Variants in AXIN1 observed in about 807,000 individuals in gnomAD.
AXIN1 encodes the protein axin 1, also known as axin-1.
Under a neutral mutation model 76.4 loss-of-function variants are expected in AXIN1, and 30 were observed. That is an observed-to-expected ratio of 0.39 (90% CI 0.29 to 0.53). The LOEUF (loss-of-function observed/expected upper bound fraction) is 0.53. Ranked by LOEUF, AXIN1 falls within the 20% of genes least tolerant of loss-of-function variation. AXIN1 has a pLI of 0.66. For missense variants in AXIN1, 1,140 were observed against 1,198.8 expected (o/e 0.95, Z 0.72); for synonymous variants, 545 against 501.4 (o/e 1.09, Z -1.16).
intron 2 of AXIN1, among the ~76,000 whole-genome samples, chr16:337,798 G>A (rs1248712318): frequency 3.3e-5 from 5 of 152,244 alleles, no homozygotes; most frequent in South Asian, 2.1e-4. Flanking sequence ...TGGAGGAGAA[G>A]GGGCATGGAA....
At chr16:321,153 G>C (rs906287135) in intron 2 of AXIN1, among the ~76,000 whole-genome samples, 1 of 152,178 alleles carries the variant, frequency 6.6e-6, no homozygotes, top group African/African-American at 2.4e-5. Context: ...CACTGCTACA[G>C]GCCCTCCTGC....
chr16:299,050 A>G, intron 5 of AXIN1: 1 of 984,560 alleles, frequency 1.0e-6, no homozygotes, highest in Non-Finnish European at 1.2e-6. Flanking sequence ...GACAGGCATG[A>G]GCCGCCGCGC....
At chr16:292,548 T>A (rs996230633) in intron 8 of AXIN1, 1 of 152,182 alleles carries the variant, frequency 6.6e-6, no homozygotes. Flanking sequence ...GAGGCGGGCC[T>A]GGACCCCAGG....
At position 292,882 on chromosome 16, in the gene AXIN1, G is replaced by A. The variant is rs114718489; in HGVS notation, c.2186+606C>T. 1,227 of 151,220 alleles carry A rather than the reference G, an allele frequency of 8.1e-3. 12 individuals carry two copies. Among genetic ancestry groups the A allele is most frequent in the African/African-American group, 0.027 (1,096 of 39,898 alleles). 9.4% of individuals were successfully genotyped at this position (151,220 alleles called of 1,614,324 possible). On this transcript the variant is annotated intron_variant, in intron 8 of 10. Transcript: ENST00000262320. The stretch of plus-strand genomic sequence containing the variant: ...CGGAGCCCAGAAGACCAAGGAGGGC[G>A]CAGTGAGGAGGGCTGTGGGCTGGAC...
chr16:321,604 G>T (rs889096483), intron 2 of AXIN1, among the ~76,000 whole-genome samples: 4 of 152,136 alleles, frequency 2.6e-5, no homozygotes, highest in African/African-American at 9.7e-5. Flanking sequence ...TCCAACCCAC[G>T]AAGGGTTAAA....
chr16:297,685 C>G (rs770736763), intron 6 of AXIN1, 37 bp downstream of exon 6: 22 of 1,566,248 alleles, frequency 1.4e-5, no homozygotes, highest in Non-Finnish European at 1.5e-5. Context: ...CACAGCCTCA[C>G]CCCAAGCCCC....
intron 1 of AXIN1, among the ~76,000 whole-genome samples, chr16:347,667 C>A (rs138446434): frequency 1.3e-5 from 2 of 152,358 alleles, no homozygotes; most frequent in Non-Finnish European, 1.5e-5. Context: ...TGCTGCATCA[C>A]GTCACGCGTG....
rs1220396262 is a variant in AXIN1 at position 352,627 on chromosome 16, T to C, written c.-340A>G. 3.1e-4 allele frequency: 50 copies of C among 159,836 alleles called. No homozygotes were observed. Among genetic ancestry groups the C allele is most frequent in the Non-Finnish European group, 1.3e-4 (10 of 75,562 alleles). The allele number at this position is 159,836 out of a possible 1,614,324, so 9.9% of individuals were successfully genotyped here. A position where few individuals can be genotyped will look rare whatever the true frequency, so the allele number is the denominator to read the frequency against. On this transcript the variant is annotated 5_prime_UTR_variant, in exon 1 of 11. Transcript: ENST00000262320. The stretch of plus-strand genomic sequence containing the variant: ...GCTCCGGGCCGACTCCGGCCGGCTC[T>C]GGCGGCGGCAGCGGCCACGATCGCC...
intron 5 of AXIN1, among the ~76,000 whole-genome samples, chr16:301,303 A>C (rs1214634936): frequency 4.0e-5 from 6 of 151,838 alleles, no homozygotes; most frequent in Non-Finnish European, 5.9e-5. Context: ...AAAAAAAAAA[A>C]AAAAACTGGA....
At chr16:289,310 C>G in intron 10 of AXIN1, 130 bp downstream of exon 10, 1 of 1,228,420 alleles carries the variant, frequency 8.1e-7, no homozygotes, top group South Asian at 1.3e-5. Context: ...AGGCAATCCG[C>G]CCACCTCAGC....
intron 2 of AXIN1, among the ~76,000 whole-genome samples, chr16:325,013 C>A (rs1001607769): frequency 1.3e-5 from 2 of 152,204 alleles, no homozygotes; most frequent in Non-Finnish European, 2.9e-5. Context: ...CGGACCCGCA[C>A]AGAACCACAG....
At chr16:299,838 G>T (rs755206680) in intron 5 of AXIN1, among the ~76,000 whole-genome samples, 48 of 149,726 alleles carry the variant, frequency 3.2e-4, no homozygotes, top group Non-Finnish European at 5.3e-4. Flanking sequence ...TATATTTTTA[G>T]TAGAGATGGA....
In AXIN1 at chr16:291,279, C is replaced by T. The variant is rs2141476624; in HGVS notation, c.2205G>A (p.Met735Ile). 6.3e-7 allele frequency: 1 copy of T among 1,581,232 alleles called. No individual in the cohort carries two copies. ...GCCTGACGCAGGCGCGTCCCCGCCG[C>T]ATAACCTCCTGCACATACCTAGGGA... ...PSKQRYVQEVMRRGRACVRPA... is the reference protein window; with the variant it reads ...PSKQRYVQEVIRRGRACVRPA... The change falls in exon 9 of 11, where the codon ATG (methionine) becomes ATA (isoleucine). Residue 735 changes from methionine (M) to isoleucine (I), a missense_variant. Physicochemically the swap from Met to Ile is conservative, Grantham distance 10 (BLOSUM62 1). Around this residue, in one of 3 missense-constraint regions of AXIN1, gnomAD observed 429 missense variants for 405.8 expected, o/e 1.06. Transcript: ENST00000262320.
chr16:315,055 G>C (rs2053269947), intron 2 of AXIN1, among the ~76,000 whole-genome samples: 1 of 152,220 alleles, frequency 6.6e-6, no homozygotes, highest in African/African-American at 2.4e-5. Context: ...ACTGGGTTTT[G>C]ATCAGGATGA....
chr16:330,313 C>G (rs565103750), intron 2 of AXIN1, among the ~76,000 whole-genome samples: 1 of 152,274 alleles, frequency 6.6e-6, no homozygotes, highest in Non-Finnish European at 1.5e-5. Context: ...ATCCACCCAC[C>G]TTGGCCTCCC....
chr16:319,865 T>C (rs1251270369), intron 2 of AXIN1, among the ~76,000 whole-genome samples: 2 of 152,366 alleles, frequency 1.3e-5, no homozygotes, highest in African/African-American at 4.8e-5. Flanking sequence ...TTTAGTGTGA[T>C]GTGGAGGGAG....
At chr16:317,318 A>G (rs1463009438) in intron 2 of AXIN1, among the ~76,000 whole-genome samples, 1 of 152,184 alleles carries the variant, frequency 6.6e-6, no homozygotes, top group Non-Finnish European at 1.5e-5. Flanking sequence ...TGTGGCCTCC[A>G]TGCCCTCTGG....
chr16:346,114 A>G (rs1470162278), intron 2 of AXIN1, 34 bp downstream of exon 2: 1 of 1,602,828 alleles, frequency 6.2e-7, no homozygotes, highest in Non-Finnish European at 8.5e-7. Flanking sequence ...CTCGGAGGTG[A>G]GTACAGAAAG....
In AXIN1 at chr16:304,432, G is replaced by A. The variant is rs761954300; in HGVS notation, c.1126C>T (p.Arg376Trp). ...VPLPHIPRTY[R>W]VPKEVRVEPQ... ...TCCACGCGGACCTCCTTCGGCACCC[G>A]GTACGTGCGCTGCGAGGGACAGGAC... The change falls in exon 5 of 11, where the codon CGG becomes TGG. Residue 376 changes from arginine to tryptophan, a missense_variant. Arg to Trp is a moderately radical substitution (Grantham distance 101). Around this residue, in one of 3 missense-constraint regions of AXIN1, gnomAD observed 708 missense variants for 776.9 expected, o/e 0.91. Coordinates refer to ENST00000262320, the MANE Select transcript of AXIN1 (RefSeq NM_003502.4). 10 of 1,612,548 alleles carry A rather than the reference G, an allele frequency of 6.2e-6. No homozygotes were observed. The highest frequency in any genetic ancestry group is 1.6e-4 in the Middle Eastern group (1 of 6,084).
Sources: allele counts gnomAD v4.1 joint callset (sites outside exome capture counted in the v4.1 genomes callset), GRCh38; gene constraint gnomAD v4.1.1; regional missense constraint gnomAD v4.1.1; transcripts MANE v1.5; gene names NCBI Gene and HGNC (gene_info 2026-07-23, HGNC 2026-07-21).